The following TGFA variants were observed in gnomAD, a reference collection of about 807,000 sequenced individuals.
The protein encoded by TGFA is protransforming growth factor alpha.
TGFA carries 12 observed loss-of-function variants against 21.7 expected under a neutral mutation model. That is an observed-to-expected ratio of 0.55 (90% CI 0.35 to 0.90). TGFA has a LOEUF of 0.90. Among genes scored for constraint, TGFA ranks in the 40% least tolerant of loss-of-function variants. The pLI is 0.01. For missense variants in TGFA, 178 were observed against 210.8 expected (o/e 0.84, Z 0.96); for synonymous variants, 79 against 88.1 (o/e 0.90, Z 0.58).
At chr2:70,544,758 T>C (rs1553505630) in intron 1 of TGFA, among the ~76,000 whole-genome samples, 1 of 152,048 alleles carries the variant, frequency 6.6e-6, no homozygotes, top group Non-Finnish European at 1.5e-5. Context: ...CATATGAAAA[T>C]AAACCAGGCA....
intron 4 of TGFA, among the ~76,000 whole-genome samples, chr2:70,454,908 A>C (rs929666780): frequency 7.2e-5 from 11 of 152,224 alleles, no homozygotes; most frequent in African/African-American, 2.2e-4. Flanking sequence ...GTGGGCCACC[A>C]GTCTTGTTCC....
intron 5 of TGFA, 43 bp from the exon 6 acceptor site, chr2:70,450,909 C>T (rs1553489534): frequency 6.3e-7 from 1 of 1,597,604 alleles, no homozygotes; most frequent in East Asian, 2.2e-5. Flanking sequence ...GGGCCACACC[C>T]TGGCCACGTT....
intron 1 of TGFA, among the ~76,000 whole-genome samples, chr2:70,540,183 G>A (rs1673094932): frequency 6.6e-6 from 1 of 152,188 alleles, no homozygotes; most frequent in South Asian, 2.1e-4. Context: ...CATCACCTAG[G>A]TAGGAGGGAA....
chr2:70,450,604 G>A lies in TGFA; in HGVS notation c.*255C>T, dbSNP rs1014602104. 23 of 511,920 alleles carry A rather than the reference G, an allele frequency of 4.5e-5. No homozygotes were observed. The highest frequency in any genetic ancestry group is 2.1e-4 in the African/African-American group (11 of 52,300). The allele number at this position is 511,920 out of a possible 1,614,324, so 31.7% of individuals were successfully genotyped here. On this transcript the variant is annotated 3_prime_UTR_variant, in exon 6 of 6. Transcript: ENST00000295400. ...ACCTCACCTAGGTGAACAGGAGTCC[G>A]TCTCTTTGCAGTTCTTTTTTAACAA...
intron 4 of TGFA, 152 bp from the exon 5 acceptor site, chr2:70,453,479 T>C (rs11466264): frequency 0.011 from 6,547 of 608,474 alleles, 245 homozygotes; most frequent in African/African-American, 0.085. Context: ...ACAGGCACCA[T>C]AGGGGGCTGA....
intron 2 of TGFA, among the ~76,000 whole-genome samples, chr2:70,509,212 T>C (rs1553500643): frequency 6.6e-6 from 1 of 152,200 alleles, no homozygotes. Context: ...TTAGAATGAC[T>C]TCAGCTCCAT....
chr2:70,512,749 C>T (rs782245222), intron 2 of TGFA, among the ~76,000 whole-genome samples: 3 of 152,230 alleles, frequency 2.0e-5, no homozygotes, highest in Non-Finnish European at 4.4e-5. Flanking sequence ...TCCAGGGCGA[C>T]ATCCCTTAGG....
rs1559124076 is a variant in TGFA, at chr2:70,504,465, C to CATATATATATATATATAT, written c.94+10393_94+10394insATATATATATATATATAT. Among the ~76,000 whole-genome samples the CATATATATATATATATAT allele has an allele frequency of 1.3e-4, 8 of 62,540 alleles. 1 individual carries two copies. Among genetic ancestry groups the CATATATATATATATATAT allele is most frequent in the Non-Finnish European group, 2.7e-4 (7 of 26,270 alleles). The allele number at this position is 62,540 out of a possible 152,430, so 41.0% of individuals were successfully genotyped here. On this transcript the variant is annotated intron_variant, in intron 2 of 5. Coordinates refer to ENST00000295400, the MANE Select transcript of TGFA (RefSeq NM_003236.4). Reference sequence around the variant, plus strand: ...ATATATATATATATATATATATATACACACATACATACATACATACACACA... The same window carrying CATATATATATATATATAT: ...ATATATATATATATATATATATATACATATATATATATATATATACACATACATACATACATACACACA...
At chr2:70,528,707 T>C (rs535195439) in intron 1 of TGFA, among the ~76,000 whole-genome samples, 57 of 152,266 alleles carry the variant, frequency 3.7e-4, no homozygotes, top group Middle Eastern at 3.4e-3. Flanking sequence ...CAGCTGGGGA[T>C]AAGTTATCAA....
rs36084203 is a variant in TGFA, at chr2:70,511,890, TACACAC to T, written c.94+2963_94+2968del. 5.5e-3 allele frequency among the ~76,000 whole-genome samples: 787 copies of T among 143,020 alleles called. 5 individuals are homozygous for T. Among genetic ancestry groups the T allele is most frequent in the African/African-American group, 0.012 (461 of 38,932 alleles). The allele number at this position is 143,020 out of a possible 152,430, so 93.8% of individuals were successfully genotyped here. ...GAGAGTTTTACTTATTAGTCATGAA[TACACAC>T]ACACACACACACACACACACACACA... On this transcript the variant is annotated intron_variant, in intron 2 of 5. Transcript: ENST00000295400.
intron 2 of TGFA, among the ~76,000 whole-genome samples, chr2:70,482,241 C>T (rs1025456650): frequency 6.6e-6 from 1 of 152,060 alleles, no homozygotes; most frequent in Non-Finnish European, 1.5e-5. Context: ...TACGTACTAC[C>T]TAAGTTAATT....
chr2:70,479,132 A>G (rs542190174), intron 2 of TGFA, among the ~76,000 whole-genome samples: 3 of 152,340 alleles, frequency 2.0e-5, no homozygotes, highest in East Asian at 3.9e-4. Flanking sequence ...TGGACACATT[A>G]TCGCTGGTTT....
intron 3 of TGFA, among the ~76,000 whole-genome samples, chr2:70,463,857 C>G (rs782493324): frequency 3.3e-5 from 5 of 152,182 alleles, no homozygotes; most frequent in African/African-American, 4.8e-5. Flanking sequence ...CATCAGTCCC[C>G]CAGGGGCCCC....
At chr2:70,474,852 A>G (rs1553493878) in intron 2 of TGFA, among the ~76,000 whole-genome samples, 1 of 152,232 alleles carries the variant, frequency 6.6e-6, no homozygotes, top group Admixed American at 6.5e-5. Context: ...CCTTTGGGAA[A>G]AACCCAAGGG....
In TGFA at chr2:70,521,764, G is replaced by A. The variant is rs141782010; in HGVS notation, c.41-6852C>T. Among the ~76,000 whole-genome samples the A allele has an allele frequency of 8.8e-3, 1,332 of 151,928 alleles. 16 individuals are homozygous for A. The highest frequency in any genetic ancestry group is 0.03 in the African/African-American group (1,255 of 41,396). ...CGAGTAGCTGGGACCACAGGCACGC[G>A]CCACCATGCCTGGCTAATTTTTGTA... On this transcript the variant is annotated intron_variant, in intron 1 of 5. Transcript: ENST00000295400.
At position 70,448,479 on chromosome 2, in the gene TGFA, G is replaced by A. The variant is rs1317673674; in HGVS notation, c.*2380C>T. On this transcript the variant is annotated 3_prime_UTR_variant, in exon 6 of 6. Coordinates refer to ENST00000295400, the MANE Select transcript of TGFA (RefSeq NM_003236.4). ...TCTAAAGGGCAAGGAAACACAGGGA[G>A]CTTGCAGAGATGGATTAGAAGATGC... The A allele has an allele frequency of 8.5e-5, 13 of 152,206 alleles. No homozygotes were observed. Among genetic ancestry groups the A allele is most frequent in the Admixed American group, 7.9e-4 (12 of 15,286 alleles). 9.4% of individuals were successfully genotyped at this position (152,206 alleles called of 1,614,324 possible).
intron 1 of TGFA, among the ~76,000 whole-genome samples, chr2:70,544,972 T>A (rs1055302839): frequency 6.6e-6 from 1 of 152,122 alleles, no homozygotes; most frequent in East Asian, 1.9e-4. Context: ...AGGACTATAG[T>A]CAATAATAAT....
At chr2:70,461,309 C>T (rs1670399153) in intron 3 of TGFA, among the ~76,000 whole-genome samples, 1 of 152,314 alleles carries the variant, frequency 6.6e-6, no homozygotes, top group East Asian at 1.9e-4. Context: ...CTACCCCCAC[C>T]ACCTGCTGAT....
intron 1 of TGFA, among the ~76,000 whole-genome samples, chr2:70,519,324 C>G (rs368688636): frequency 1.3e-5 from 2 of 152,150 alleles, no homozygotes; most frequent in African/African-American, 4.8e-5. Context: ...CACACAGAAC[C>G]CAGGGCCAGA....
Sources: allele counts gnomAD v4.1 joint callset (sites outside exome capture counted in the v4.1 genomes callset), GRCh38; gene constraint gnomAD v4.1.1; transcripts MANE v1.5; gene names NCBI Gene and HGNC (gene_info 2026-07-23, HGNC 2026-07-21).